The following NAV2 variants were observed in gnomAD, a reference collection of about 807,000 sequenced individuals.
NAV2 encodes neuron navigator 2, also known as helicase, APC down-regulated 1.
Under a neutral mutation model 223.2 loss-of-function variants are expected in NAV2, and 54 were observed. That is an observed-to-expected ratio of 0.24 (90% CI 0.19 to 0.30). The LOEUF is 0.30. Ranked by LOEUF, NAV2 falls within the 10% of genes least tolerant of loss-of-function variation. NAV2 has a pLI of 1.00. For missense variants in NAV2, 2,806 were observed against 3,147.5 expected (o/e 0.89, Z 2.60); for synonymous variants, 1,279 against 1,239.3 (o/e 1.03, Z -0.67).
At chr11:19,650,043 A>C (rs550113676) in intron 1 of NAV2, among the ~76,000 whole-genome samples, 2 of 152,360 alleles carry the variant, frequency 1.3e-5, no homozygotes, top group Non-Finnish European at 2.9e-5. Flanking sequence ...ACAGTTAAGC[A>C]TATACTTACC....
At position 20,093,087 on chromosome 11, in the gene NAV2, T is replaced by G; in HGVS notation, c.5816-12T>G. 6.2e-7 allele frequency: 1 copy of G among 1,610,060 alleles called. No homozygotes were observed. The highest frequency in any genetic ancestry group is 8.5e-7 in the Non-Finnish European group (1 of 1,176,896). ...CCATGTGCCTAAGGCTGTTGATGTT[T>G]TCCATTCGCAGACATGTTGCTGGAT... On this transcript the variant is annotated splice_polypyrimidine_tract_variant and intron_variant, in intron 28 of 37. Transcript: ENST00000349880.
intron 6 of NAV2, among the ~76,000 whole-genome samples, chr11:19,895,025 C>T (rs1239772865): frequency 9.2e-5 from 14 of 151,888 alleles, no homozygotes; most frequent in Admixed American, 2.6e-4. Flanking sequence ...CCACTGTGCC[C>T]GGCTATCATA....
intron 1 of NAV2, among the ~76,000 whole-genome samples, chr11:19,569,910 T>G (rs2045374923): frequency 6.6e-6 from 1 of 152,214 alleles, no homozygotes; most frequent in African/African-American, 2.4e-5. Context: ...CAAAGTCTAC[T>G]AACGCTAAAT....
chr11:20,075,222 GTTTTT>G (rs759061256), intron 22 of NAV2, among the ~76,000 whole-genome samples: 3,317 of 110,956 alleles, frequency 0.03, 98 homozygotes, highest in African/African-American at 0.12. Flanking sequence ...TTTTTGTTTT[GTTTTT>G]TTTTTTTTTG....
chr11:20,039,837 A>T (rs144374180), intron 12 of NAV2, among the ~76,000 whole-genome samples: 2,303 of 152,296 alleles, frequency 0.015, 47 homozygotes, highest in African/African-American at 0.05. Flanking sequence ...CTACTCAGGG[A>T]AATAAAATTC....
intron 1 of NAV2, among the ~76,000 whole-genome samples, chr11:19,608,267 A>G (rs566274147): frequency 6.6e-6 from 1 of 152,232 alleles, no homozygotes; most frequent in African/African-American, 2.4e-5. Context: ...TGTTGTTCAG[A>G]CCACTGCCTC....
At chr11:19,740,599 G>A (rs1175976371) in intron 1 of NAV2, among the ~76,000 whole-genome samples, 3 of 152,160 alleles carry the variant, frequency 2.0e-5, no homozygotes, top group Non-Finnish European at 4.4e-5. Context: ...AAAGAACACA[G>A]GAGACATATT....
At chr11:19,417,731 G>A (rs915319718) in intron 1 of NAV2, among the ~76,000 whole-genome samples, 1 of 152,140 alleles carries the variant, frequency 6.6e-6, no homozygotes, top group South Asian at 2.1e-4. Flanking sequence ...ACTGGATAAA[G>A]ACAACGTGAC....
chr11:20,081,557 G>A (rs1243095130), intron 25 of NAV2, among the ~76,000 whole-genome samples: 1 of 152,166 alleles, frequency 6.6e-6, no homozygotes, highest in Non-Finnish European at 1.5e-5. Context: ...TTCACCAGAG[G>A]TAGAGGCAAG....
chr11:20,054,133 G>A lies in NAV2; in HGVS notation c.4535G>A (p.Arg1512Gln), dbSNP rs978101971. 5.0e-6 allele frequency: 8 copies of A among 1,613,430 alleles called. No homozygotes were observed. The highest frequency in any genetic ancestry group is 4.5e-5 in the East Asian group (2 of 44,806). ...CAAGAAGATGCAAAAGAATGGTTAC[G>A]GTCCCATTCTGCAGGAGGCCTTCAG... ...RTQEDAKEWL[R>Q]SHSAGGLQDT... The change falls in exon 18 of 38, where the codon CGG (arginine) becomes CAG (glutamine). Residue 1512 changes from arginine (R) to glutamine (Q), a missense_variant. Transcript: ENST00000349880.
chr11:19,591,722 G>T (rs542239804), intron 1 of NAV2, among the ~76,000 whole-genome samples: 6 of 152,282 alleles, frequency 3.9e-5, no homozygotes, highest in African/African-American at 1.4e-4. Context: ...AAAAGTAGGG[G>T]TTTGCCTTCA....
chr11:20,051,213 C>G (rs749321251), intron 16 of NAV2, 76 bp from the exon 17 acceptor site: 2 of 1,278,582 alleles, frequency 1.6e-6, no homozygotes, highest in Non-Finnish European at 2.3e-6. Context: ...CCCTTCAGTC[C>G]CCTCCCTAGC....
At chr11:19,361,084 G>A (rs1023645840) in intron 1 of NAV2, among the ~76,000 whole-genome samples, 10 of 152,056 alleles carry the variant, frequency 6.6e-5, no homozygotes, top group South Asian at 2.1e-4. Flanking sequence ...TTGTAACCTC[G>A]CTAAACTGGC....
chr11:19,914,840 G>A (rs924750222), intron 6 of NAV2, among the ~76,000 whole-genome samples: 18 of 152,126 alleles, frequency 1.2e-4, no homozygotes, highest in Non-Finnish European at 2.1e-4. Context: ...CACCGCGCCC[G>A]GCCTGTTGTT....
At chr11:20,005,117 G>C (rs1003547790) in intron 11 of NAV2, among the ~76,000 whole-genome samples, 1 of 151,990 alleles carries the variant, frequency 6.6e-6, no homozygotes, top group African/African-American at 2.4e-5. Flanking sequence ...TGACAATAGA[G>C]ACCCTTTCTG....
intron 3 of NAV2, among the ~76,000 whole-genome samples, chr11:19,866,402 A>C (rs1230234268): frequency 6.6e-6 from 1 of 152,234 alleles, no homozygotes; most frequent in Non-Finnish European, 1.5e-5. Context: ...ACTGATCAAA[A>C]TTATAAAATT....
chr11:19,465,238 G>T (rs556024884), intron 1 of NAV2, among the ~76,000 whole-genome samples: 1 of 152,314 alleles, frequency 6.6e-6, no homozygotes, highest in South Asian at 2.1e-4. Flanking sequence ...GATGGGAAGG[G>T]TTCAGGGTGC....
intron 1 of NAV2, among the ~76,000 whole-genome samples, chr11:19,731,677 C>T (rs1039342065): frequency 2.6e-5 from 4 of 152,192 alleles, no homozygotes; most frequent in Admixed American, 1.3e-4. Context: ...TCCTGGGCCA[C>T]GTCATTGAGT....
intron 1 of NAV2, among the ~76,000 whole-genome samples, chr11:19,657,123 G>C (rs796330426): frequency 6.6e-6 from 1 of 152,146 alleles, no homozygotes; most frequent in African/African-American, 2.4e-5. Flanking sequence ...AGAGTTTGAG[G>C]CTGGGGGTGT....
Sources: allele counts gnomAD v4.1 joint callset (sites outside exome capture counted in the v4.1 genomes callset), GRCh38; gene constraint gnomAD v4.1.1; transcripts MANE v1.5; gene names NCBI Gene and HGNC (gene_info 2026-07-23, HGNC 2026-07-21).